Variants in TINAG observed in about 807,000 individuals in gnomAD.
TINAG encodes the protein tubulointerstitial nephritis antigen.
In TINAG, 83 loss-of-function variants were observed where a neutral mutation model predicts 72.7. The observed-to-expected ratio is 1.14, with a 90% confidence interval of 0.96 to 1.37. The LOEUF is 1.37. Among genes scored for constraint, TINAG ranks in the 40% most tolerant of loss-of-function variants. TINAG has a pLI of 0.00. For synonymous variants in TINAG, 234 were observed against 189.9 expected, an observed-to-expected ratio of 1.23 and a Z score of -1.91; for missense variants, 685 against 576.6, an observed-to-expected ratio of 1.19 and a Z score of -1.93.
chr6:54,314,023 C>T (rs969461198), intron 1 of TINAG, among the ~76,000 whole-genome samples: 2 of 152,060 alleles, frequency 1.3e-5, no homozygotes, highest in Non-Finnish European at 1.5e-5. Flanking sequence ...TTAGGATCTA[C>T]ATGGGTAAGG....
chr6:54,356,248 A>T (rs1194433953), intron 9 of TINAG, among the ~76,000 whole-genome samples: 1 of 151,914 alleles, frequency 6.6e-6, no homozygotes, highest in Non-Finnish European at 1.5e-5. Context: ...AAAAATACCA[A>T]ATCAGGCCAG....
intron 9 of TINAG, among the ~76,000 whole-genome samples, chr6:54,370,544 A>G (rs9464065): frequency 0.018 from 2,810 of 152,208 alleles, 86 homozygotes; most frequent in African/African-American, 0.064. Flanking sequence ...ATGGTTGTGT[A>G]CCAGGCATCC....
intron 9 of TINAG, among the ~76,000 whole-genome samples, chr6:54,376,842 T>C (rs1195018582): frequency 2.6e-5 from 4 of 152,054 alleles, no homozygotes; most frequent in African/African-American, 4.8e-5. Flanking sequence ...AGTGGGCATA[T>C]AAAATAAATC....
intron 4 of TINAG, among the ~76,000 whole-genome samples, chr6:54,342,648 G>T (rs927795698): frequency 2.0e-5 from 3 of 152,218 alleles, no homozygotes; most frequent in Middle Eastern, 3.4e-3. Flanking sequence ...GATTACAGGC[G>T]TGAGCCACCG....
intron 1 of TINAG, among the ~76,000 whole-genome samples, chr6:54,314,171 C>T (rs575152818): frequency 6.6e-6 from 1 of 152,278 alleles, no homozygotes; most frequent in East Asian, 1.9e-4. Context: ...CATATAAGAA[C>T]ATGTCAGATT....
intron 9 of TINAG, among the ~76,000 whole-genome samples, chr6:54,375,817 C>T (rs954500452): frequency 1.3e-5 from 2 of 152,102 alleles, no homozygotes; most frequent in African/African-American, 4.8e-5. Context: ...TGCTTCTAGC[C>T]GGCTCTCACT....
chr6:54,324,401 T>C (rs1383136013), intron 3 of TINAG, among the ~76,000 whole-genome samples: 2 of 152,136 alleles, frequency 1.3e-5, no homozygotes, highest in Non-Finnish European at 2.9e-5. Flanking sequence ...ATAATTATTA[T>C]TCTAATGGGG....
rs368091735 is a variant in TINAG at position 54,321,304 on chromosome 6, T to A, written c.427T>A (p.Ser143Thr). 7.5e-5 allele frequency: 121 copies of A among 1,613,572 alleles called. No individual in the cohort carries two copies. Among genetic ancestry groups the A allele is most frequent in the Middle Eastern group, 3.3e-4 (2 of 6,080 alleles). The change falls in exon 3 of 11, where the codon TCA becomes ACA. Residue 143 changes from serine to threonine, a missense_variant. Physicochemically the swap from Ser to Thr is moderately conservative, Grantham distance 58. Coordinates refer to ENST00000259782, the MANE Select transcript of TINAG (RefSeq NM_014464.4). ...ATTGTCATATCTTTGCAGCACATGC[T>A]CAGGACAGCAATGGAAATGTTCCCA... The part of the protein sequence containing the change: ...IKENCNSCTC[S>T]GQQWKCSQHV...
chr6:54,383,716 T>TA, intron 10 of TINAG, among the ~76,000 whole-genome samples: 1 of 152,090 alleles, frequency 6.6e-6, no homozygotes, highest in Non-Finnish European at 1.5e-5. Flanking sequence ...ACCATTATTT[T>TA]AAAAAATTAA....
At chr6:54,346,110 G>T (rs1785115563) in intron 5 of TINAG, among the ~76,000 whole-genome samples, 1 of 151,938 alleles carries the variant, frequency 6.6e-6, no homozygotes, top group African/African-American at 2.4e-5. Context: ...GTACTAAAAT[G>T]GTACCCACCC....
At chr6:54,375,843 T>A (rs531660047) in intron 9 of TINAG, among the ~76,000 whole-genome samples, 1 of 152,198 alleles carries the variant, frequency 6.6e-6, no homozygotes, top group African/African-American at 2.4e-5. Context: ...CTATACCCGA[T>A]GCTAACACCA....
intron 9 of TINAG, among the ~76,000 whole-genome samples, chr6:54,369,081 A>G (rs957985212): frequency 2.0e-5 from 3 of 151,904 alleles, no homozygotes; most frequent in Admixed American, 6.6e-5. Flanking sequence ...TATGACTTGC[A>G]AAGTAGCCCT....
In TINAG at chr6:54,370,837, T is replaced by G. The variant is rs188155720; in HGVS notation, c.1251-9689T>G. Among the ~76,000 whole-genome samples the G allele has an allele frequency of 9.3e-4, 141 of 152,222 alleles. 1 individual carries two copies. The highest frequency in any genetic ancestry group is 3.3e-3 in the African/African-American group (138 of 41,556). On this transcript the variant is annotated intron_variant, in intron 9 of 10. Coordinates refer to ENST00000259782, the MANE Select transcript of TINAG (RefSeq NM_014464.4). ...CCTTGTCTGTCAGTACTGAATCAAC[T>G]TGACAGAACAGTTTGTGTTCCATTT...
chr6:54,326,973 G>A, intron 4 of TINAG, 57 bp downstream of exon 4: 1 of 1,607,084 alleles, frequency 6.2e-7, no homozygotes, highest in African/African-American at 1.3e-5. Flanking sequence ...GTGTTTGTGT[G>A]TGCATTAAAA....
chr6:54,350,518 T>C (rs1785240667), intron 7 of TINAG, among the ~76,000 whole-genome samples: 1 of 151,502 alleles, frequency 6.6e-6, no homozygotes, highest in Admixed American at 6.6e-5. Context: ...TGCCAGCATC[T>C]GCCACTCTAC....
intron 9 of TINAG, among the ~76,000 whole-genome samples, chr6:54,371,436 G>A (rs1015283261): frequency 1.3e-5 from 2 of 151,126 alleles, no homozygotes; most frequent in African/African-American, 4.9e-5. Context: ...AAATTCAAAC[G>A]TTCTTTAACT....
At chr6:54,350,435 T>G (rs1367281907) in intron 7 of TINAG, among the ~76,000 whole-genome samples, 1 of 151,834 alleles carries the variant, frequency 6.6e-6, no homozygotes, top group Non-Finnish European at 1.5e-5. Context: ...AGAATACAAT[T>G]CGGTGTTCTA....
intron 9 of TINAG, among the ~76,000 whole-genome samples, chr6:54,363,186 T>TTAGTCACAAATG: frequency 6.6e-6 from 1 of 151,600 alleles, no homozygotes; most frequent in Admixed American, 6.6e-5. Context: ...TGGCAGGACT[T>TTAGTCACAAATG]GTAGACTATA....
At chr6:54,364,768 ATATCTATC>A (rs531839524) in intron 9 of TINAG, among the ~76,000 whole-genome samples, 52 of 151,198 alleles carry the variant, frequency 3.4e-4, no homozygotes, top group African/African-American at 1.3e-3. Context: ...TGATATCTCT[ATATCTATC>A]TATCTATCTA....
Sources: allele counts gnomAD v4.1 joint callset (sites outside exome capture counted in the v4.1 genomes callset), GRCh38; gene constraint gnomAD v4.1.1; transcripts MANE v1.5; gene names NCBI Gene and HGNC (gene_info 2026-07-23, HGNC 2026-07-21).